The following PCBD1 variants were observed in gnomAD, a reference collection of about 807,000 sequenced individuals.
PCBD1 encodes pterin-4-alpha-carbinolamine dehydratase.
PCBD1 carries 16 observed loss-of-function variants against 12.6 expected under a neutral mutation model. That is an observed-to-expected ratio of 1.27 (90% CI 0.86 to 1.93). The LOEUF is 1.93. Among genes scored for constraint, PCBD1 ranks in the 30% most tolerant of loss-of-function variants. The pLI, the probability that PCBD1 is intolerant of heterozygous loss-of-function variation, is 0.00. For synonymous variants in PCBD1, 53 were observed against 50.2 expected (o/e 1.05, Z -0.23); for missense variants, 86 against 130.1 (o/e 0.66, Z 1.65).
downstream of PCBD1, chr10:70,882,450 G>A (rs1407179354): frequency 6.6e-6 from 1 of 152,256 alleles, no homozygotes; most frequent in East Asian, 1.9e-4. Flanking sequence ...AAAGCAGATG[G>A]TATTGTTGCA....
Position 70,884,825 on chromosome 10 carries a change from G to A in PCBD1, c.216+327C>T, listed in dbSNP as rs971750571. On this transcript the variant is annotated intron_variant, in intron 3 of 3. Transcript: ENST00000299299. ...CAAGATTAAAGCCATTTAGAGCTAT[G>A]AACACTGAATAAGTATGCCTGATTC... 2.0e-5 allele frequency among the ~76,000 whole-genome samples: 3 copies of A among 152,248 alleles called. No homozygotes were observed. In the South Asian group the frequency reaches 6.2e-4, roughly 32 times the overall value.
Position 70,884,007 on chromosome 10 carries a change from T to G in PCBD1, c.258A>C (p.Ser86=). The G allele has an allele frequency of 6.2e-7, 1 of 1,614,130 alleles. No homozygotes were observed. Among genetic ancestry groups the G allele is most frequent in the Non-Finnish European group, 8.5e-7 (1 of 1,180,026 alleles). Residue 86 remains serine (S), a synonymous_variant, in exon 4 of 4, where the codon TCA becomes TCC. Transcript: ENST00000299299. ...AGCTGGCCAGGTTTATGTCCCGTTC[T>G]GAAAGGCCGGCACACTCATGGGTGC... is the stretch of plus-strand genomic sequence containing the variant. The part of the protein sequence containing the change: ...TLSTHECAGL[S]ERDINLASFI...
chr10:70,885,668 G>T, intron 2 of PCBD1, 130 bp downstream of exon 2: 2 of 1,174,174 alleles, frequency 1.7e-6, no homozygotes, highest in Non-Finnish European at 1.2e-6. Context: ...CACTGGCACA[G>T]TGCCCAAATA....
rs1026975146 is a variant in PCBD1 at position 70,883,583 on chromosome 10, C to A, written c.*367G>T. On this transcript the variant is annotated 3_prime_UTR_variant, in exon 4 of 4. Transcript: ENST00000299299. ...TATTACATAGTGTGGGGTTTAGGGT[C>A]CTGGTTTCTAAGACAAGACTTTATT... is the stretch of plus-strand genomic sequence containing the variant. The A allele has an allele frequency of 8.5e-7, 1 of 1,175,476 alleles. No individual in the cohort carries two copies. Among genetic ancestry groups the A allele is most frequent in the South Asian group, 1.9e-5 (1 of 53,714 alleles). 72.8% of individuals were successfully genotyped at this position (1,175,476 alleles called of 1,614,324 possible).
chr10:70,885,207 G>T lies in PCBD1; in HGVS notation c.161C>A (p.Ala54Asp). 6.2e-7 allele frequency: 1 copy of T among 1,613,988 alleles called. No homozygotes were observed. Among genetic ancestry groups the T allele is most frequent in the South Asian group, 1.1e-5 (1 of 91,060 alleles). Reference sequence around the variant, plus strand: ...GTGGTCCAGTTTCTCAGCCTGCAGGGCCACTCTTGTCATGAACCCAAAGGC... The same window carrying T: ...GTGGTCCAGTTTCTCAGCCTGCAGGTCCACTCTTGTCATGAACCCAAAGGC... ...NRAFGFMTRV[A>D]LQAEKLDHHP... The change falls in exon 3 of 4, where the codon GCC becomes GAC. Residue 54 changes from alanine to aspartate, a missense_variant. Transcript: ENST00000299299.
In PCBD1 at chr10:70,887,612, T is replaced by C. The variant is rs553037304; in HGVS notation, c.3+919A>G. 1.1e-4 allele frequency among the ~76,000 whole-genome samples: 17 copies of C among 152,246 alleles called. No homozygotes were observed. In the South Asian group the frequency reaches 2.9e-3, roughly 26 times the overall value. On this transcript the variant is annotated intron_variant, in intron 1 of 3. Transcript: ENST00000299299. ...CTCTTAGGAGGCTTCCCTTTCTCGGTAGAGCCTTCTGGAACCCCCCAGGTC... is the reference window on the plus strand; with the variant it reads ...CTCTTAGGAGGCTTCCCTTTCTCGGCAGAGCCTTCTGGAACCCCCCAGGTC...
At chr10:70,884,638 C>T (rs961705172) in intron 3 of PCBD1, among the ~76,000 whole-genome samples, 40 of 152,002 alleles carry the variant, frequency 2.6e-4, no homozygotes, top group African/African-American at 8.0e-4. Flanking sequence ...TCCACCACCG[C>T]GCCCGCCTAA....
intron 1 of PCBD1, chr10:70,887,923 G>GCC (rs1846611488): frequency 1.3e-5 from 2 of 152,348 alleles, no homozygotes; most frequent in African/African-American, 4.8e-5. Flanking sequence ...CAAGGGCCCC[G>GCC]CCCCCGCCCC....
chr10:70,885,035 T>G lies in PCBD1; in HGVS notation c.216+117A>C, dbSNP rs1412691683. The G allele has an allele frequency of 4.9e-6, 4 of 818,600 alleles. No individual in the cohort carries two copies. The African/African-American group carries it at 6.7e-5, about 14-fold the overall frequency. 50.7% of individuals were successfully genotyped at this position (818,600 alleles called of 1,614,324 possible). Reference sequence around the variant, plus strand: ...TCAGTGAGATTGGAAATGAGATGAGTGGATGACCTATGGGTCAGGAAGGCT... The same window carrying G: ...TCAGTGAGATTGGAAATGAGATGAGGGGATGACCTATGGGTCAGGAAGGCT... On this transcript the variant is annotated intron_variant, in intron 3 of 3. Coordinates refer to ENST00000299299, the MANE Select transcript of PCBD1 (RefSeq NM_000281.4).
chr10:70,884,236 A>T (rs1846546570), intron 3 of PCBD1, among the ~76,000 whole-genome samples, 188 bp from the exon 4 acceptor site: 1 of 152,156 alleles, frequency 6.6e-6, no homozygotes, highest in Non-Finnish European at 1.5e-5. Context: ...GTCTCTCAAA[A>T]ATAATCATGA....
At position 70,884,037 on chromosome 10, in the gene PCBD1, C is replaced by T. The variant is rs778445183; in HGVS notation, c.228G>A (p.Thr76=). The part of the protein sequence containing the change: ...WFNVYNKVHI[T]LSTHECAGLS... ...GGCCGGCACACTCATGGGTGCTCAGCGTGATGTGGACCTGAAATGAAACCA... is the reference window on the plus strand; with the variant it reads ...GGCCGGCACACTCATGGGTGCTCAGTGTGATGTGGACCTGAAATGAAACCA... Residue 76 remains threonine, a synonymous_variant, in exon 4 of 4, where the codon ACG becomes ACA. Transcript: ENST00000299299. 55 of 1,613,904 alleles carry T rather than the reference C, an allele frequency of 3.4e-5. No individual in the cohort carries two copies. Among genetic ancestry groups the T allele is most frequent in the South Asian group, 5.5e-5 (5 of 90,998 alleles).
chr10:70,884,109 T>G, intron 3 of PCBD1, 61 bp from the exon 4 acceptor site: 1 of 1,559,444 alleles, frequency 6.4e-7, no homozygotes, highest in African/African-American at 1.3e-5. Context: ...AGGGAGTCAC[T>G]AGCTGCTGGG....
intron 3 of PCBD1, among the ~76,000 whole-genome samples, chr10:70,884,531 G>C (rs1846552316): frequency 7.3e-6 from 1 of 137,916 alleles, no homozygotes; most frequent in African/African-American, 2.8e-5. Flanking sequence ...TCCCAGGCTG[G>C]AGTGCAGTGG....
chr10:70,885,257 G>A, intron 2 of PCBD1, 25 bp from the exon 3 acceptor site: 2 of 1,588,890 alleles, frequency 1.3e-6, no homozygotes, highest in South Asian at 1.1e-5. Context: ...TGAGAGCCAG[G>A]TTAGTGTTCT....
rs963349155 is a variant in PCBD1, at chr10:70,883,519, A to G, written c.*431T>C. 1.6e-5 allele frequency: 18 copies of G among 1,091,768 alleles called. No homozygotes were observed. The African/African-American group carries it at 2.8e-4, about 17-fold the overall frequency. 67.6% of individuals were successfully genotyped at this position (1,091,768 alleles called of 1,614,324 possible). On this transcript the variant is annotated 3_prime_UTR_variant, in exon 4 of 4. Transcript: ENST00000299299. ...TTTCTAGAGCCTGAGACCAAGTGAT[A>G]TAATAGTTTTATTTGAGACATAAAA...
chr10:70,883,246 C>T (rs1846526090), downstream of PCBD1, among the ~76,000 whole-genome samples: 1 of 152,208 alleles, frequency 6.6e-6, no homozygotes, highest in Non-Finnish European at 1.5e-5. Context: ...CTTATCCTGC[C>T]ACCTAGCATT....
At chr10:70,884,288 G>A (rs1042802547) in intron 3 of PCBD1, among the ~76,000 whole-genome samples, 7 of 152,110 alleles carry the variant, frequency 4.6e-5, no homozygotes, top group Non-Finnish European at 8.8e-5. Context: ...AATGTCAAGA[G>A]CAACCTAAAA....
At chr10:70,885,380 G>C (rs1846566365) in intron 2 of PCBD1, 148 bp from the exon 3 acceptor site, 1 of 713,138 alleles carries the variant, frequency 1.4e-6, no homozygotes, top group African/African-American at 1.8e-5. Context: ...TCCTGTCACT[G>C]GTTCTCAGGC....
intron 3 of PCBD1, among the ~76,000 whole-genome samples, chr10:70,884,447 A>AAAT (rs1846549208): frequency 6.6e-6 from 1 of 151,874 alleles, no homozygotes; most frequent in South Asian, 2.1e-4. Flanking sequence ...TTCATTAAGC[A>AAAT]AATAATTTGA....
Sources: gnomAD v4.1 joint callset for allele counts (sites outside exome capture counted in the v4.1 genomes callset) on GRCh38, gnomAD v4.1.1 for gene constraint, MANE v1.5 for transcripts, NCBI Gene and HGNC (gene_info 2026-07-23, HGNC 2026-07-21) for gene names.